The following ANKRD39 variants were observed in gnomAD, a reference collection of about 807,000 sequenced individuals.
ANKRD39 encodes ankyrin repeat domain 39.
In ANKRD39, 18 loss-of-function variants were observed where a neutral mutation model predicts 20.3. That is an observed-to-expected ratio of 0.89 (90% confidence interval 0.61 to 1.32). ANKRD39 has a LOEUF of 1.32. ANKRD39 is among the 40% of genes most tolerant of loss of function. The pLI, the probability that ANKRD39 is intolerant of heterozygous loss-of-function variation, is 0.00. For missense variants in ANKRD39, 243 were observed against 250.7 expected, an observed-to-expected ratio of 0.97 and a Z score of 0.21; for synonymous variants, 106 against 111.9, an observed-to-expected ratio of 0.95 and a Z score of 0.33.
At chr2:96,857,772 C>T in intron 1 of ANKRD39, 116 bp downstream of exon 1, 1 of 1,100,956 alleles carries the variant, frequency 9.1e-7, no homozygotes, top group Non-Finnish European at 1.3e-6. Context: ...CGCACCAGGC[C>T]CCAAGCCCCA....
intron 3 of ANKRD39, among the ~76,000 whole-genome samples, chr2:96,848,944 C>T (rs917611357): frequency 6.6e-5 from 10 of 152,150 alleles, no homozygotes; most frequent in Non-Finnish European, 1.0e-4. Flanking sequence ...TCGCAGTTAG[C>T]TTGAGTTTTT....
chr2:96,857,997 G>A lies in ANKRD39; in HGVS notation c.-10C>T, dbSNP rs1465189135. On this transcript the variant is annotated 5_prime_UTR_variant, in exon 1 of 4. Coordinates refer to ENST00000393537, the MANE Select transcript of ANKRD39 (RefSeq NM_016466.6). ...GCCGAGGCGTCGCCATCCCGGCCCC[G>A]GCGTCAGTCGATCCGCCCCGGGTCT... The A allele has an allele frequency of 3.9e-6, 6 of 1,521,298 alleles. No homozygotes were observed. Among genetic ancestry groups the A allele is most frequent in the East Asian group, 2.6e-5 (1 of 38,976 alleles). 94.2% of individuals were successfully genotyped at this position (1,521,298 alleles called of 1,614,324 possible). A position where few individuals can be genotyped will look rare whatever the true frequency, so the allele number is the denominator to read the frequency against.
intron 1 of ANKRD39, among the ~76,000 whole-genome samples, chr2:96,855,640 G>A (rs577223736): frequency 7.3e-5 from 11 of 151,476 alleles, no homozygotes; most frequent in Middle Eastern, 3.4e-3. Flanking sequence ...GAAGAATCGC[G>A]TGAACCCAGG....
intron 1 of ANKRD39, among the ~76,000 whole-genome samples, chr2:96,857,161 G>A (rs1019965994): frequency 6.6e-6 from 1 of 152,186 alleles, no homozygotes; most frequent in Non-Finnish European, 1.5e-5. Flanking sequence ...TAGGAGGGGC[G>A]GAGGGAAGTA....
intron 3 of ANKRD39, among the ~76,000 whole-genome samples, chr2:96,850,681 CA>C (rs146212815): frequency 2.8e-4 from 39 of 137,414 alleles, no homozygotes; most frequent in African/African-American, 4.0e-4. Flanking sequence ...CAAAACAAAA[CA>C]AAAAAAAAAA....
intron 2 of ANKRD39, 74 bp downstream of exon 2, chr2:96,854,264 C>A: frequency 7.0e-7 from 1 of 1,433,762 alleles, no homozygotes; most frequent in Non-Finnish European, 9.6e-7. Flanking sequence ...AACCATCAGT[C>A]CCCCTCCTCA....
rs148622307 is a variant in ANKRD39, at chr2:96,853,853, G to A, written c.205-249C>T. 6.6e-3 allele frequency among the ~76,000 whole-genome samples: 1,009 copies of A among 152,346 alleles called. 10 individuals are homozygous for A. The highest frequency in any genetic ancestry group is 0.023 in the African/African-American group (939 of 41,586). On this transcript the variant is annotated intron_variant, in intron 2 of 3. Coordinates refer to ENST00000393537, the MANE Select transcript of ANKRD39 (RefSeq NM_016466.6). ...AATAAAACTAAATCATTGGCTGGGC[G>A]CAGTGGCTCATGCCTGTAATCCCAG...
chr2:96,854,198 G>A, intron 2 of ANKRD39, 140 bp downstream of exon 2: 1 of 827,834 alleles, frequency 1.2e-6, no homozygotes, highest in Non-Finnish European at 1.9e-6. Flanking sequence ...TTCATATGAT[G>A]CTTAAAAAGA....
chr2:96,850,536 G>A (rs756835008), intron 3 of ANKRD39, among the ~76,000 whole-genome samples: 7 of 151,894 alleles, frequency 4.6e-5, no homozygotes, highest in Admixed American at 1.3e-4. Flanking sequence ...GTGGTGGTGC[G>A]TGCCTGTAAT....
rs1553486056 is a variant in ANKRD39, at chr2:96,855,972, T to TCAACAACAACAACAACAACAAAA, written c.101-1554_101-1532dup. Among the ~76,000 whole-genome samples the TCAACAACAACAACAACAACAAAA allele has an allele frequency of 2.6e-3, 388 of 151,532 alleles. 2 individuals carry two copies. Among genetic ancestry groups the TCAACAACAACAACAACAACAAAA allele is most frequent in the African/African-American group, 9.0e-3 (372 of 41,358 alleles). On this transcript the variant is annotated intron_variant, in intron 1 of 3. Coordinates refer to ENST00000393537, the MANE Select transcript of ANKRD39 (RefSeq NM_016466.6). ...CCTGGGGACAGAGCCAGACTCCGACTCAACAACAACAACAACAACAAAACA... is the reference window on the plus strand; with the variant it reads ...CCTGGGGACAGAGCCAGACTCCGACTCAACAACAACAACAACAACAAAACAACAACAACAACAACAACAAAACA...
intron 3 of ANKRD39, among the ~76,000 whole-genome samples, chr2:96,853,106 T>C (rs574503918): frequency 1.6e-4 from 25 of 152,190 alleles, no homozygotes; most frequent in Middle Eastern, 3.2e-3. Flanking sequence ...GCAAGTGGAC[T>C]ACAGGAACAG....
chr2:96,851,457 A>G (rs983697607), intron 3 of ANKRD39, among the ~76,000 whole-genome samples: 4 of 151,906 alleles, frequency 2.6e-5, no homozygotes, highest in Admixed American at 6.6e-5. Context: ...CACCCGGCCT[A>G]ATTTTTGTAT....
chr2:96,849,604 C>T (rs1427660307), intron 3 of ANKRD39, among the ~76,000 whole-genome samples: 4 of 152,162 alleles, frequency 2.6e-5, no homozygotes, highest in African/African-American at 7.2e-5. Flanking sequence ...GAGCCGAGAT[C>T]GCGCCACTGC....
In ANKRD39 at chr2:96,848,463, G is replaced by A. The variant is rs914999145; in HGVS notation, c.409-19C>T. The A allele has an allele frequency of 1.9e-6, 3 of 1,613,040 alleles. No homozygotes were observed. The African/African-American group carries it at 4.0e-5, about 22-fold the overall frequency. On this transcript the variant is annotated intron_variant, in intron 3 of 3. Coordinates refer to ENST00000393537, the MANE Select transcript of ANKRD39 (RefSeq NM_016466.6). ...CAGCAGCCTGTGGAGAGAAAGGCTG[G>A]AATCAAAGGGCATACCCCCCCACTG...
intron 3 of ANKRD39, among the ~76,000 whole-genome samples, chr2:96,852,012 C>A (rs72811627): frequency 0.082 from 12,499 of 151,892 alleles, 571 homozygotes; most frequent in Middle Eastern, 0.18. Context: ...ACTACTACTA[C>A]TAATAATTTT....
At chr2:96,853,911 G>T (rs973043220) in intron 2 of ANKRD39, among the ~76,000 whole-genome samples, 5 of 152,234 alleles carry the variant, frequency 3.3e-5, no homozygotes, top group African/African-American at 1.2e-4. Context: ...CGGATCACCT[G>T]AAGTCAGGAG....
At position 96,849,255 on chromosome 2, in the gene ANKRD39, C is replaced by T. The variant is rs987916328; in HGVS notation, c.409-811G>A. ...GCAGTCTGCAATTCCTGGGCTCAAG[C>T]GATCCTCCTGCCTCAGCCTCCCAAG... On this transcript the variant is annotated intron_variant, in intron 3 of 3. Coordinates refer to ENST00000393537, the MANE Select transcript of ANKRD39 (RefSeq NM_016466.6). Among the ~76,000 whole-genome samples, 14 of 152,126 alleles carry T rather than the reference C, an allele frequency of 9.2e-5. No individual in the cohort carries two copies. In the East Asian group the frequency reaches 9.6e-4, roughly 10 times the overall value.
intron 1 of ANKRD39, among the ~76,000 whole-genome samples, chr2:96,856,089 T>G (rs892189505): frequency 6.6e-6 from 1 of 152,238 alleles, no homozygotes; most frequent in Non-Finnish European, 1.5e-5. Context: ...AAAACTGGCT[T>G]ATCAAATACA....
Position 96,853,523 on chromosome 2 carries a change from C to T in ANKRD39, c.286G>A (p.Gly96Arg), listed in dbSNP as rs568061559. 4.3e-6 allele frequency: 7 copies of T among 1,613,390 alleles called. No homozygotes were observed. Among genetic ancestry groups the T allele is most frequent in the East Asian group, 4.5e-5 (2 of 44,862 alleles). Reference protein sequence around the residue: ...SGAKCDAQTHGGATALHRASY... With the variant: ...SGAKCDAQTHRGATALHRASY... ...GCTCGGTGCAGAGCAGTGGCACCCC[C>T]GTGGGTCTGGGCATCACACTTAGCT... Residue 96 changes from glycine (G) to arginine (R), a missense_variant, in exon 3 of 4, where the codon GGG becomes AGG. Coordinates refer to ENST00000393537, the MANE Select transcript of ANKRD39 (RefSeq NM_016466.6).
Sources: gnomAD v4.1 joint callset for allele counts (sites outside exome capture counted in the v4.1 genomes callset) on GRCh38, gnomAD v4.1.1 for gene constraint, MANE v1.5 for transcripts, NCBI Gene and HGNC (gene_info 2026-07-23, HGNC 2026-07-21) for gene names.